CCSER1: variants seen among roughly 807,000 people sequenced by gnomAD.
CCSER1 encodes serine-rich coiled-coil domain-containing protein 1.
CCSER1 carries 41 observed loss-of-function variants against 82.0 expected under a neutral mutation model. The observed-to-expected ratio is 0.50, with a 90% CI of 0.39 to 0.65. CCSER1 has a LOEUF of 0.65. CCSER1 is among the 30% of genes least tolerant of loss of function. The probability of loss-of-function intolerance (pLI) is 0.00; values close to 1 mark genes in which losing one functional copy is unlikely to be tolerated. For synonymous variants in CCSER1, 414 were observed against 383.9 expected (o/e 1.08, Z -0.92); for missense variants, 1,119 against 1,064.2 (o/e 1.05, Z -0.72).
At chr4:90,329,018 G>T (rs1179397145) in intron 3 of CCSER1, among the ~76,000 whole-genome samples, 1 of 151,988 alleles carries the variant, frequency 6.6e-6, no homozygotes, top group Non-Finnish European at 1.5e-5. Context: ...AAGGCTTTTG[G>T]TACCTCCTAA....
intron 3 of CCSER1, among the ~76,000 whole-genome samples, chr4:90,391,450 A>G (rs1401755924): frequency 8.3e-5 from 5 of 60,592 alleles, no homozygotes; most frequent in African/African-American, 5.8e-4. Flanking sequence ...GGGGGTATAT[A>G]TATATATATA....
intron 7 of CCSER1, among the ~76,000 whole-genome samples, chr4:90,783,997 T>C (rs970994372): frequency 6.6e-6 from 1 of 152,196 alleles, no homozygotes; most frequent in Admixed American, 6.5e-5. Context: ...AACTCATTAA[T>C]ACAAGAATGA....
intron 8 of CCSER1, among the ~76,000 whole-genome samples, chr4:90,919,715 G>A (rs551427669): frequency 4.7e-4 from 72 of 151,730 alleles, no homozygotes; most frequent in African/African-American, 1.7e-3. Flanking sequence ...GAAACTTAGA[G>A]AAGAAAAATA....
chr4:91,483,898 A>G (rs564871362), intron 10 of CCSER1, among the ~76,000 whole-genome samples: 8 of 152,280 alleles, frequency 5.3e-5, no homozygotes, highest in Non-Finnish European at 8.8e-5. Flanking sequence ...TTAAATGAAT[A>G]GAGTTGCTTT....
intron 1 of CCSER1, among the ~76,000 whole-genome samples, chr4:90,284,972 C>A (rs1412512339): frequency 6.6e-6 from 1 of 151,898 alleles, no homozygotes; most frequent in Non-Finnish European, 1.5e-5. Flanking sequence ...TTTCTGGGTT[C>A]TCTATTCTGT....
chr4:90,780,456 G>A (rs756999993), intron 7 of CCSER1: 3 of 1,612,008 alleles, frequency 1.9e-6, no homozygotes, highest in Non-Finnish European at 2.5e-6. Context: ...CATACCCTAG[G>A]GAATTCTGAA....
At chr4:90,174,623 C>T (rs1732322315) in intron 1 of CCSER1, among the ~76,000 whole-genome samples, 3 of 151,766 alleles carry the variant, frequency 2.0e-5, no homozygotes, top group South Asian at 4.1e-4. Flanking sequence ...ATACAGAGTA[C>T]CGAGGAAGGA....
At chr4:90,799,213 G>T (rs1158778579) in intron 7 of CCSER1, among the ~76,000 whole-genome samples, 1 of 152,154 alleles carries the variant, frequency 6.6e-6, no homozygotes, top group African/African-American at 2.4e-5. Flanking sequence ...AGGTGGAGTG[G>T]TCACTCAGTA....
At chr4:91,496,564 G>GTATATATATATATATA (rs367939121) in intron 10 of CCSER1, among the ~76,000 whole-genome samples, 1 of 17,638 alleles carries the variant, frequency 5.7e-5, no homozygotes, top group Non-Finnish European at 1.5e-4. Context: ...CATAAATCTT[G>GTATATATATATATATA]TATATATATA....
chr4:90,731,246 A>G (rs1744673081), intron 7 of CCSER1, among the ~76,000 whole-genome samples: 1 of 152,168 alleles, frequency 6.6e-6, no homozygotes, highest in Non-Finnish European at 1.5e-5. Context: ...TCCTATTTTT[A>G]CCCTTTAGGT....
At chr4:91,525,934 C>T (rs950596769) in intron 10 of CCSER1, among the ~76,000 whole-genome samples, 8 of 152,126 alleles carry the variant, frequency 5.3e-5, no homozygotes, top group Non-Finnish European at 7.3e-5. Context: ...AGACATGTCT[C>T]ATTATACTTC....
intron 7 of CCSER1, among the ~76,000 whole-genome samples, chr4:90,786,602 TACAA>T (rs1447270469): frequency 1.3e-5 from 2 of 152,234 alleles, no homozygotes; most frequent in African/African-American, 4.8e-5. Context: ...AAATTCCATT[TACAA>T]ACAAAGTGTA....
rs147378874 is a variant in CCSER1 at position 91,288,517 on chromosome 4, C to T, written c.2217+202523C>T. On this transcript the variant is annotated intron_variant, in intron 10 of 10. Coordinates refer to ENST00000509176, the MANE Select transcript of CCSER1 (RefSeq NM_001145065.2). The stretch of plus-strand genomic sequence containing the variant: ...ATATAAATATGGTGAGAATTTGCAC[C>T]TGCTTACAGGCTCTTTATAGACCTC... Among the ~76,000 whole-genome samples the T allele has an allele frequency of 3.7e-3, 567 of 151,974 alleles. 3 individuals are homozygous for T. Among genetic ancestry groups the T allele is most frequent in the African/African-American group, 0.013 (525 of 41,496 alleles).
At chr4:90,286,890 A>G (rs1006323688) in intron 1 of CCSER1, among the ~76,000 whole-genome samples, 71 of 152,092 alleles carry the variant, frequency 4.7e-4, no homozygotes, top group Middle Eastern at 3.4e-3. Context: ...TGCTACAAAG[A>G]GGTGTTCTTT....
intron 9 of CCSER1, among the ~76,000 whole-genome samples, chr4:90,937,228 A>G (rs1343980059): frequency 6.6e-6 from 1 of 152,152 alleles, no homozygotes. Context: ...TGGTTCTGCC[A>G]ATGTTGCATT....
chr4:91,083,857 T>C (rs538966473), intron 9 of CCSER1, among the ~76,000 whole-genome samples: 7 of 152,268 alleles, frequency 4.6e-5, no homozygotes, highest in African/African-American at 1.4e-4. Context: ...TCAGTGATTT[T>C]GGTGACATTA....
intron 6 of CCSER1, among the ~76,000 whole-genome samples, chr4:90,713,826 G>C (rs553297001): frequency 6.6e-6 from 1 of 151,926 alleles, no homozygotes; most frequent in African/African-American, 2.4e-5. Context: ...ATTTCTTGGA[G>C]GTTTTGTTCA....
intron 9 of CCSER1, among the ~76,000 whole-genome samples, chr4:91,082,194 A>G (rs1212460876): frequency 6.6e-6 from 1 of 152,228 alleles, no homozygotes. Context: ...CCAAAACGGC[A>G]TGGTACTGGT....
chr4:90,749,564 A>C (rs536928752), intron 7 of CCSER1, among the ~76,000 whole-genome samples: 12 of 152,158 alleles, frequency 7.9e-5, no homozygotes, highest in African/African-American at 2.9e-4. Flanking sequence ...GTTTTTTCCA[A>C]TTCTGTGAAC....
Sources: gnomAD v4.1 joint callset for allele counts (sites outside exome capture counted in the v4.1 genomes callset) on GRCh38, gnomAD v4.1.1 for gene constraint, MANE v1.5 for transcripts, NCBI Gene and HGNC (gene_info 2026-07-23, HGNC 2026-07-21) for gene names.